IGF2: variants seen among roughly 807,000 people sequenced by gnomAD.
IGF2 encodes insulin-like growth factor 2.
A neutral mutation model predicts 12.0 loss-of-function variants in IGF2; 2 were observed. The observed-to-expected ratio is 0.17, with a 90% CI of 0.07 to 0.52. The LOEUF is 0.52. Ranked by LOEUF, IGF2 falls within the 20% of genes least tolerant of loss-of-function variation. The pLI is 0.95. For missense variants in IGF2, 211 were observed against 268.0 expected (o/e 0.79, Z 1.48); for synonymous variants, 105 against 110.1 (o/e 0.95, Z 0.29).
Position 2,133,388 on chromosome 11 carries a change from C to T in IGF2, c.306+129G>A, listed in dbSNP as rs945679114. ...CAGCGTCTGAGCTGCTCCCGGGCCA[C>T]ACAGCAAGCAAGGAAGTCACGGGTC... On this transcript the variant is annotated intron_variant, in intron 3 of 3. Transcript: ENST00000416167. The surrounding 1 kb of genome is among the most constrained non-coding windows in gnomAD (Gnocchi z 8.9). 3.5e-6 allele frequency: 4 copies of T among 1,156,358 alleles called. No individual in the cohort carries two copies. The African/African-American group carries it at 6.3e-5, about 18-fold the overall frequency. 71.6% of individuals were successfully genotyped at this position (1,156,358 alleles called of 1,614,324 possible).
upstream of IGF2, among the ~76,000 whole-genome samples, chr11:2,142,776 C>G (rs139277646): frequency 2.1e-3 from 322 of 152,330 alleles, no homozygotes; most frequent in African/African-American, 7.3e-3. This position sits in a 1 kb window ranked among gnomAD's most constrained non-coding sequence, Gnocchi z 5.7. Context: ...GGGCCGTTAG[C>G]AACACCTGGC....
At position 2,132,967 on chromosome 11, in the gene IGF2, C is replaced by T; in HGVS notation, c.*20G>A. The stretch of plus-strand genomic sequence containing the variant: ...GCTGCAGGATGGTGGCGCCGGGCTG[C>T]AGACTTGCGGCAGTTTTGCTCACTT... On this transcript the variant is annotated 3_prime_UTR_variant, in exon 4 of 4. Transcript: ENST00000416167. 4.8e-6 allele frequency: 7 copies of T among 1,460,384 alleles called. No homozygotes were observed. Among genetic ancestry groups the T allele is most frequent in the Non-Finnish European group, 6.4e-6 (7 of 1,090,074 alleles). The allele number at this position is 1,460,384 out of a possible 1,614,324, so 90.5% of individuals were successfully genotyped here.
chr11:2,146,272 G>GTCC, the IGF2 span: 2 of 534,530 alleles, frequency 3.7e-6, no homozygotes, highest in Non-Finnish European at 7.7e-6. Flanking sequence ...CCGCTCCGCC[G>GTCC]TCCGTGGGAC....
chr11:2,135,020 C>G (rs146791498), intron 2 of IGF2, among the ~76,000 whole-genome samples: 2 of 152,376 alleles, frequency 1.3e-5, no homozygotes, highest in Admixed American at 1.3e-4. Flanking sequence ...GCAGGCTCTT[C>G]CTCCAGAGCC....
In IGF2 at chr11:2,132,099, TG is replaced by T. The variant is rs1858650053; in HGVS notation, c.*887del. ...GTTCATGCGTGTGCTGTGTGTTGTG[TG>T]TGTGTAGCTGCGGGGATGCATAAAG... On this transcript the variant is annotated 3_prime_UTR_variant, in exon 4 of 4. Transcript: ENST00000416167. The T allele has an allele frequency of 5.4e-6, 1 of 186,296 alleles. No homozygotes were observed. The highest frequency in any genetic ancestry group is 7.5e-5 in the East Asian group (1 of 13,348). 11.5% of individuals were successfully genotyped at this position (186,296 alleles called of 1,614,324 possible).
At chr11:2,135,210 C>T (rs990080258) in intron 2 of IGF2, among the ~76,000 whole-genome samples, 157 bp downstream of exon 2, 4 of 152,188 alleles carry the variant, frequency 2.6e-5, no homozygotes, top group Admixed American at 2.0e-4. Flanking sequence ...CCTGGGACAC[C>T]GCACGTGCTC....
At position 2,138,706 on chromosome 11, in the gene IGF2, G is replaced by C. The variant is rs1357132182; in HGVS notation, c.-484C>G. 74 of 751,218 alleles carry C rather than the reference G, an allele frequency of 9.9e-5. No individual in the cohort carries two copies. The highest frequency in any genetic ancestry group is 1.4e-3 in the Middle Eastern group (2 of 1,456). The allele number at this position is 751,218 out of a possible 1,614,324, so 46.5% of individuals were successfully genotyped here. Reference sequence around the variant, plus strand: ...CGAAGGCGAGAGGGCGGGCGTGAGGGGGGGAGGGAGTCGGAGGCTAGGAGC... The same window carrying C: ...CGAAGGCGAGAGGGCGGGCGTGAGGCGGGGAGGGAGTCGGAGGCTAGGAGC... On this transcript the variant is annotated 5_prime_UTR_variant, in exon 1 of 4. Transcript: ENST00000416167.
intron 1 of IGF2, among the ~76,000 whole-genome samples, chr11:2,137,993 G>C (rs912278889): frequency 1.7e-4 from 26 of 151,658 alleles, no homozygotes; most frequent in African/African-American, 6.0e-4. Context: ...GGCCCTTCCC[G>C]ACGCCCCCAC....
chr11:2,134,800 A>G (rs1474533544), intron 2 of IGF2, among the ~76,000 whole-genome samples: 1 of 152,090 alleles, frequency 6.6e-6, no homozygotes. Flanking sequence ...AACATGAGGA[A>G]AGGCTGAAGC....
rs143676947 is a variant in IGF2, at chr11:2,129,345, T to C, written c.*3642A>G. 792 of 221,296 alleles carry C rather than the reference T, an allele frequency of 3.6e-3. 7 individuals carry two copies. The highest frequency in any genetic ancestry group is 0.016 in the African/African-American group (735 of 44,572). The allele number at this position is 221,296 out of a possible 1,614,324, so 13.7% of individuals were successfully genotyped here. The stretch of plus-strand genomic sequence containing the variant: ...AAGAGGGGGCCCCCCACTGAAGACA[T>C]TGGGGACACGGGGAGGAGACAAGAT... On this transcript the variant is annotated 3_prime_UTR_variant, in exon 4 of 4. Transcript: ENST00000416167. This position sits in a 1 kb window ranked among gnomAD's most constrained non-coding sequence, Gnocchi z 8.1.
In IGF2 at chr11:2,139,044, GA is replaced by G; in HGVS notation, c.-823del. ...GCGGCCCGAGGCTGCGCGCCGGGGG[GA>G]GGGCTGGAGGGGGAGCGCGGGGGGG... On this transcript the variant is annotated 5_prime_UTR_variant, in exon 1 of 4. Coordinates refer to ENST00000416167, the MANE Select transcript of IGF2 (RefSeq NM_000612.6). The G allele has an allele frequency of 4.6e-6, 3 of 651,340 alleles. No homozygotes were observed. Among genetic ancestry groups the G allele is most frequent in the Non-Finnish European group, 3.7e-6 (2 of 533,880 alleles). The allele number at this position is 651,340 out of a possible 1,614,324, so 40.3% of individuals were successfully genotyped here. A position where few individuals can be genotyped will look rare whatever the true frequency, so the allele number is the denominator to read the frequency against.
chr11:2,139,243 C>T lies in IGF2; in HGVS notation c.-1021G>A, dbSNP rs1204575127. On this transcript the variant is annotated 5_prime_UTR_variant, in exon 1 of 4. Coordinates refer to ENST00000416167, the MANE Select transcript of IGF2 (RefSeq NM_000612.6). ...CCCGGGACGGGAGTCAGCAGCGAGG[C>T]AGCGGGCGGCGTCGACGCGGGGCCG... The T allele has an allele frequency of 6.7e-6, 1 of 150,084 alleles. No homozygotes were observed. Among genetic ancestry groups the T allele is most frequent in the Admixed American group, 6.6e-5 (1 of 15,138 alleles). 9.3% of individuals were successfully genotyped at this position (150,084 alleles called of 1,614,324 possible).
rs201652056 is a variant in IGF2, at chr11:2,135,349, C to A, written c.157+18G>T. The A allele has an allele frequency of 6.3e-7, 1 of 1,593,940 alleles. No individual in the cohort carries two copies. Among genetic ancestry groups the A allele is most frequent in the Non-Finnish European group, 8.5e-7 (1 of 1,169,798 alleles). On this transcript the variant is annotated intron_variant, in intron 2 of 3. Transcript: ENST00000416167. ...AGGGGCCTGACCAGGTCTGAGGAAGCCCCTCCCAGCTACTTACTGAAGTAG... is the reference window on the plus strand; with the variant it reads ...AGGGGCCTGACCAGGTCTGAGGAAGACCCTCCCAGCTACTTACTGAAGTAG...
rs1858545518 is a variant in IGF2 at position 2,131,511 on chromosome 11, C to G, written c.*1476G>C. The G allele has an allele frequency of 4.4e-6, 1 of 227,498 alleles. No homozygotes were observed. The highest frequency in any genetic ancestry group is 2.3e-5 in the African/African-American group (1 of 43,320). The allele number at this position is 227,498 out of a possible 1,614,324, so 14.1% of individuals were successfully genotyped here. A position where few individuals can be genotyped will look rare whatever the true frequency, so the allele number is the denominator to read the frequency against. ...GTGTTTGTGTGCTGTGAGCTGTGTT[C>G]ATGTATGTGCTGCGCATGAGTGTGT... On this transcript the variant is annotated 3_prime_UTR_variant, in exon 4 of 4. Coordinates refer to ENST00000416167, the MANE Select transcript of IGF2 (RefSeq NM_000612.6).
At position 2,131,610 on chromosome 11, in the gene IGF2, C is replaced by CTGTGTGCA. The variant is rs1564891525; in HGVS notation, c.*1376_*1377insTGCACACA. On this transcript the variant is annotated 3_prime_UTR_variant, in exon 4 of 4. Transcript: ENST00000416167. ...CATGTGTGCTGTGCATGCGTGTGTG[C>CTGTGTGCA]TGTGTGTGCATGTGTGTGCTGTGTG... 1.4e-5 allele frequency: 3 copies of CTGTGTGCA among 211,950 alleles called. No homozygotes were observed. Among genetic ancestry groups the CTGTGTGCA allele is most frequent in the Non-Finnish European group, 2.7e-5 (3 of 112,996 alleles). 13.1% of individuals were successfully genotyped at this position (211,950 alleles called of 1,614,324 possible).
upstream of IGF2, among the ~76,000 whole-genome samples, chr11:2,139,936 C>T (rs926945919): frequency 6.6e-6 from 1 of 152,090 alleles, no homozygotes; most frequent in Non-Finnish European, 1.5e-5. Flanking sequence ...CAGGAGGAGC[C>T]GGCCACGCGG....
chr11:2,146,247 C>T, the IGF2 span: 50 of 532,568 alleles, frequency 9.4e-5, no homozygotes, highest in East Asian at 2.5e-3. Flanking sequence ...CTCCCCAGCT[C>T]TGGCTCTGAG....
In IGF2 at chr11:2,130,520, C is replaced by T. The variant is rs543215705; in HGVS notation, c.*2467G>A. 2.1e-3 allele frequency: 437 copies of T among 206,356 alleles called. 2 individuals are homozygous for T. Among genetic ancestry groups the T allele is most frequent in the South Asian group, 7.3e-3 (37 of 5,076 alleles). 12.8% of individuals were successfully genotyped at this position (206,356 alleles called of 1,614,324 possible). A position where few individuals can be genotyped will look rare whatever the true frequency, so the allele number is the denominator to read the frequency against. ...CGTTCTTGCTTTTGTCACTGCCCCC[C>T]TGTTACATGGGGGGGGGGTTTAATT... On this transcript the variant is annotated 3_prime_UTR_variant, in exon 4 of 4. Transcript: ENST00000416167.
Position 2,131,198 on chromosome 11 carries a change from C to T in IGF2, c.*1789G>A, listed in dbSNP as rs770810653. The T allele has an allele frequency of 1.9e-4, 44 of 233,124 alleles. No individual in the cohort carries two copies. Among genetic ancestry groups the T allele is most frequent in the Middle Eastern group, 1.2e-3 (1 of 808 alleles). The allele number at this position is 233,124 out of a possible 1,614,324, so 14.4% of individuals were successfully genotyped here. ...CCTGGGACACACCCCGCCCACCCTA[C>T]GGGTGTATCCCAAATGCCGCCGGCC... is the stretch of plus-strand genomic sequence containing the variant. On this transcript the variant is annotated 3_prime_UTR_variant, in exon 4 of 4. Transcript: ENST00000416167.
Sources: allele counts gnomAD v4.1 joint callset (sites outside exome capture counted in the v4.1 genomes callset), GRCh38; gene constraint gnomAD v4.1.1; non-coding constraint Gnocchi (gnomAD v3.1); transcripts MANE v1.5; gene names NCBI Gene and HGNC (gene_info 2026-07-23, HGNC 2026-07-21).